Variants in MTMR7 observed in about 807,000 individuals in gnomAD.
MTMR7 encodes the protein phosphatidylinositol-3-phosphate phosphatase MTMR7.
In MTMR7, 76 loss-of-function variants were observed where a neutral mutation model predicts 81.2. The observed-to-expected ratio is 0.94, with a 90% confidence interval of 0.78 to 1.13. The LOEUF is 1.13. MTMR7 is among the 50% of genes most tolerant of loss of function. The pLI, the probability that MTMR7 is intolerant of heterozygous loss-of-function variation, is 0.00. For missense variants in MTMR7, 1,044 were observed against 820.0 expected, an observed-to-expected ratio of 1.27 and a Z score of -3.34; for synonymous variants, 372 against 289.8, an observed-to-expected ratio of 1.28 and a Z score of -2.88.
rs539737582 is a variant in MTMR7 at position 17,366,080 on chromosome 8, C to G, written c.311-4806G>C. Among the ~76,000 whole-genome samples, 55 of 152,302 alleles carry G rather than the reference C, an allele frequency of 3.6e-4. 1 individual carries two copies. The South Asian group carries it at 0.011, about 32-fold the overall frequency. ...GCTCCTTCACTCTCAGATAACCCCA[C>G]TTCCTACTTCCCATAGAAAATGCAA... On this transcript the variant is annotated intron_variant, in intron 3 of 13. Coordinates refer to ENST00000180173, the MANE Select transcript of MTMR7 (RefSeq NM_004686.5).
chr8:17,326,487 A>G (rs1045911702), intron 7 of MTMR7: 2 of 152,238 alleles, frequency 1.3e-5, no homozygotes, highest in African/African-American at 4.8e-5. Flanking sequence ...CTTGTCTTAC[A>G]TCAGAATCAC....
At chr8:17,374,364 T>G (rs980911447) in intron 1 of MTMR7, among the ~76,000 whole-genome samples, 1 of 152,138 alleles carries the variant, frequency 6.6e-6, no homozygotes, top group Non-Finnish European at 1.5e-5. Flanking sequence ...GGCTCACGCC[T>G]GTAATCCCAG....
chr8:17,398,327 C>A (rs1335724250), intron 1 of MTMR7, among the ~76,000 whole-genome samples: 1 of 152,104 alleles, frequency 6.6e-6, no homozygotes, highest in Non-Finnish European at 1.5e-5. Context: ...CAAAATTCTA[C>A]CAGATGAATT....
At chr8:17,404,381 T>G (rs1247933921) in intron 1 of MTMR7, among the ~76,000 whole-genome samples, 2 of 152,268 alleles carry the variant, frequency 1.3e-5, no homozygotes, top group South Asian at 4.2e-4. Context: ...AGGGAATTAG[T>G]TCAGTTTGGG....
At position 17,300,220 on chromosome 8, in the gene MTMR7, A is replaced by C; in HGVS notation, c.1625T>G (p.Leu542Arg). Residue 542 changes from leucine (L) to arginine (R), a missense_variant, in exon 14 of 14, where the codon CTG becomes CGG. Physicochemically the swap from Leu to Arg is moderately radical, Grantham distance 102. Transcript: ENST00000180173. Reference protein sequence around the residue: ...EEELEALEERLEKIQKVQLNC... With the variant: ...EEELEALEERREKIQKVQLNC... ...TAACTGGACCTTTTGAATTTTTTCCAGCCTCTAAGAAAGAAATAACAATTT... is the reference window on the plus strand; with the variant it reads ...TAACTGGACCTTTTGAATTTTTTCCCGCCTCTAAGAAAGAAATAACAATTT... 1 of 1,602,106 alleles carries C rather than the reference A, an allele frequency of 6.2e-7. No individual in the cohort carries two copies. Among genetic ancestry groups the C allele is most frequent in the Non-Finnish European group, 8.5e-7 (1 of 1,173,618 alleles).
At chr8:17,352,630 A>G (rs1819760598) in intron 4 of MTMR7, among the ~76,000 whole-genome samples, 1 of 152,206 alleles carries the variant, frequency 6.6e-6, no homozygotes, top group South Asian at 2.1e-4. Context: ...AAACTTTTAT[A>G]CATCAAAGGA....
chr8:17,383,083 TG>T (rs1002644300), intron 1 of MTMR7, among the ~76,000 whole-genome samples: 2 of 151,696 alleles, frequency 1.3e-5, no homozygotes, highest in African/African-American at 4.8e-5. Context: ...ATCCACCACC[TG>T]GGGGGTGTGG....
At chr8:17,354,070 CAA>C (rs1819814592) in intron 4 of MTMR7, among the ~76,000 whole-genome samples, 1 of 152,118 alleles carries the variant, frequency 6.6e-6, no homozygotes, top group African/African-American at 2.4e-5. Flanking sequence ...AGATGCAATC[CAA>C]AAGTGTCACT....
intron 5 of MTMR7, among the ~76,000 whole-genome samples, chr8:17,344,525 C>A (rs1022435749): frequency 6.6e-6 from 1 of 152,040 alleles, no homozygotes; most frequent in African/African-American, 2.4e-5. Flanking sequence ...GCAGGAGAAT[C>A]GCTTGAACAT....
intron 1 of MTMR7, 44 bp from the exon 2 acceptor site, chr8:17,373,284 G>C (rs369349152): frequency 1.9e-6 from 3 of 1,570,008 alleles, no homozygotes; most frequent in African/African-American, 1.4e-5. Context: ...TAAAGCAGAA[G>C]AGCAATTCAC....
chr8:17,382,893 C>T (rs1210302307), intron 1 of MTMR7, among the ~76,000 whole-genome samples: 1 of 152,150 alleles, frequency 6.6e-6, no homozygotes, highest in East Asian at 1.9e-4. Context: ...AGTTCTATTA[C>T]ATTGTGCAGT....
chr8:17,322,504 G>T (rs183089040), intron 7 of MTMR7, among the ~76,000 whole-genome samples: 1 of 152,242 alleles, frequency 6.6e-6, no homozygotes, highest in East Asian at 1.9e-4. Flanking sequence ...AACTGCAGAG[G>T]TGTGTAAAAC....
intron 7 of MTMR7, among the ~76,000 whole-genome samples, chr8:17,327,504 C>T (rs920143018): frequency 6.6e-6 from 1 of 152,118 alleles, no homozygotes; most frequent in Non-Finnish European, 1.5e-5. Context: ...TGGTCTCAAA[C>T]TCCTGTGGCT....
At chr8:17,396,932 A>T (rs966664627) in intron 1 of MTMR7, among the ~76,000 whole-genome samples, 2 of 151,948 alleles carry the variant, frequency 1.3e-5, no homozygotes, top group Admixed American at 1.3e-4. Flanking sequence ...CCCCCATTCC[A>T]GGCCTTAGCT....
chr8:17,385,423 T>C (rs940189244), intron 1 of MTMR7, among the ~76,000 whole-genome samples: 1 of 152,194 alleles, frequency 6.6e-6, no homozygotes, highest in Admixed American at 6.5e-5. Context: ...GTTCTCGTGA[T>C]AGTGAATACG....
chr8:17,356,647 G>A (rs1819897758), intron 4 of MTMR7, among the ~76,000 whole-genome samples: 1 of 152,110 alleles, frequency 6.6e-6, no homozygotes, highest in Non-Finnish European at 1.5e-5. Flanking sequence ...CCAGGAGGCA[G>A]AGGTTACAGT....
At position 17,305,743 on chromosome 8, in the gene MTMR7, A is replaced by G; in HGVS notation, c.1352+14T>C. The G allele has an allele frequency of 2.5e-6, 4 of 1,592,802 alleles. No homozygotes were observed. Among genetic ancestry groups the G allele is most frequent in the Non-Finnish European group, 3.4e-6 (4 of 1,164,238 alleles). On this transcript the variant is annotated intron_variant, in intron 11 of 13. Coordinates refer to ENST00000180173, the MANE Select transcript of MTMR7 (RefSeq NM_004686.5). ...TAAATAAAAGTTAAACACCAAAAAC[A>G]CCAAAACACTTACTTGAGTTCTCGT...
chr8:17,329,294 C>T (rs752388427), intron 7 of MTMR7, among the ~76,000 whole-genome samples: 13 of 152,150 alleles, frequency 8.5e-5, no homozygotes, highest in Admixed American at 3.3e-4. Context: ...ATAATTTACT[C>T]GGTAAAAACA....
chr8:17,392,608 G>C (rs998035375), intron 1 of MTMR7, among the ~76,000 whole-genome samples: 9 of 152,218 alleles, frequency 5.9e-5, no homozygotes, highest in Admixed American at 3.3e-4. Context: ...GGCCACTGCA[G>C]AGGCTTCCTG....
Sources: gnomAD v4.1 joint callset for allele counts (sites outside exome capture counted in the v4.1 genomes callset) on GRCh38, gnomAD v4.1.1 for gene constraint, MANE v1.5 for transcripts, NCBI Gene and HGNC (gene_info 2026-07-23, HGNC 2026-07-21) for gene names.